Variants in NMNAT1 observed in about 807,000 individuals in gnomAD.
The protein encoded by NMNAT1 is nicotinamide/nicotinic acid mononucleotide adenylyltransferase 1.
NMNAT1 carries 11 observed loss-of-function variants against 16.7 expected under a neutral mutation model. The ratio of observed to expected loss-of-function variants is 0.66; its 90% CI spans 0.41 to 1.09. The LOEUF (loss-of-function observed/expected upper bound fraction) is 1.09. NMNAT1 is among the 50% of genes least tolerant of loss of function. The pLI, the probability that NMNAT1 is intolerant of heterozygous loss-of-function variation, is 0.00. For synonymous variants in NMNAT1, 110 were observed against 119.8 expected, an observed-to-expected ratio of 0.92 and a Z score of 0.53; for missense variants, 280 against 332.3, an observed-to-expected ratio of 0.84 and a Z score of 1.22.
chr1:9,992,585 A>G, the NMNAT1 span, among the ~76,000 whole-genome samples: 3 of 151,988 alleles, frequency 2.0e-5, no homozygotes, highest in African/African-American at 7.2e-5. Flanking sequence ...TTTAGGGACA[A>G]TTCCTCTCCA....
chr1:9,963,883 A>AATTTTATTTT (rs756959957), intron 1 of NMNAT1, among the ~76,000 whole-genome samples: 1 of 151,910 alleles, frequency 6.6e-6, no homozygotes, highest in African/African-American at 2.4e-5. Context: ...AATGTGTATG[A>AATTTTATTTT]ATTTTATTTT....
chr1:9,993,554 C>T, the NMNAT1 span, among the ~76,000 whole-genome samples: 2 of 152,018 alleles, frequency 1.3e-5, no homozygotes, highest in Admixed American at 6.6e-5. Context: ...ATCTGAATTA[C>T]ATTCCTTAAA....
intron 1 of NMNAT1, among the ~76,000 whole-genome samples, chr1:9,969,339 C>T (rs1316709679): frequency 6.6e-6 from 1 of 151,980 alleles, no homozygotes; most frequent in African/African-American, 2.4e-5. Flanking sequence ...GGATAGGGCT[C>T]TTGGAAATTA....
chr1:9,978,966 G>A (rs537943740), intron 3 of NMNAT1, among the ~76,000 whole-genome samples: 2 of 152,292 alleles, frequency 1.3e-5, no homozygotes, highest in South Asian at 2.1e-4. Context: ...GGTCAAGAGT[G>A]TGGGCTCTGG....
intron 2 of NMNAT1, 149 bp downstream of exon 2, chr1:9,972,337 T>C: frequency 1.7e-6 from 1 of 574,982 alleles, no homozygotes; most frequent in South Asian, 2.0e-5. Context: ...GGTAAAACCC[T>C]GTCTCTACTA....
At chr1:9,948,182 T>C (rs1641021874) in intron 1 of NMNAT1, among the ~76,000 whole-genome samples, 1 of 152,160 alleles carries the variant, frequency 6.6e-6, no homozygotes, top group Admixed American at 6.6e-5. Context: ...TGAACAGTCA[T>C]TTCCATGTGT....
At chr1:9,962,525 G>C (rs1014081900) in intron 1 of NMNAT1, among the ~76,000 whole-genome samples, 13 of 151,046 alleles carry the variant, frequency 8.6e-5, no homozygotes, top group Admixed American at 6.0e-4. Flanking sequence ...TTAACACTGT[G>C]CCAGGCAATA....
At chr1:9,951,560 G>A (rs567650831) in intron 1 of NMNAT1, among the ~76,000 whole-genome samples, 1 of 152,164 alleles carries the variant, frequency 6.6e-6, no homozygotes, top group South Asian at 2.1e-4. Flanking sequence ...CTGGAGCCTT[G>A]ACTTCCTGGG....
intron 1 of NMNAT1, among the ~76,000 whole-genome samples, chr1:9,952,037 G>A (rs188181081): frequency 4.6e-5 from 7 of 152,014 alleles, no homozygotes; most frequent in African/African-American, 1.7e-4. Flanking sequence ...TATGGCTCAC[G>A]CCTGTAATCC....
In NMNAT1 at chr1:9,972,282, G is replaced by A. The variant is rs1028284794; in HGVS notation, c.115+94G>A. ...TCCCAGCATTTTGGGAGGCTGAGACGGGCAGATCACAAGGTCAAGAGATCG... is the reference window on the plus strand; with the variant it reads ...TCCCAGCATTTTGGGAGGCTGAGACAGGCAGATCACAAGGTCAAGAGATCG... On this transcript the variant is annotated intron_variant, in intron 2 of 4. Transcript: ENST00000377205. The A allele has an allele frequency of 3.1e-5, 22 of 711,766 alleles. No individual in the cohort carries two copies. In the Admixed American group the frequency reaches 3.7e-4, roughly 12 times the overall value. 44.1% of individuals were successfully genotyped at this position (711,766 alleles called of 1,614,324 possible). A position where few individuals can be genotyped will look rare whatever the true frequency, so the allele number is the denominator to read the frequency against.
intron 1 of NMNAT1, among the ~76,000 whole-genome samples, chr1:9,945,745 C>T (rs888128599): frequency 3.3e-5 from 5 of 152,118 alleles, no homozygotes; most frequent in Admixed American, 2.0e-4. Flanking sequence ...CATTTGTTCA[C>T]AGTGTACTTT....
At chr1:9,976,451 G>C (rs1641816040) in intron 3 of NMNAT1, among the ~76,000 whole-genome samples, 1 of 152,120 alleles carries the variant, frequency 6.6e-6, no homozygotes, top group Admixed American at 6.6e-5. Context: ...GAGACAGGCA[G>C]ATAATTTAAG....
At chr1:9,996,289 C>CG in the NMNAT1 span, among the ~76,000 whole-genome samples, 2 of 134,644 alleles carry the variant, frequency 1.5e-5, no homozygotes, top group Admixed American at 8.7e-5. Context: ...CCAGCCTGGG[C>CG]ACAGAGCGAG....
At chr1:9,995,829 C>T in the NMNAT1 span, among the ~76,000 whole-genome samples, 1 of 151,786 alleles carries the variant, frequency 6.6e-6, no homozygotes. Flanking sequence ...GAGCTCAAGA[C>T]CAGCCTAGCC....
intron 2 of NMNAT1, 60 bp downstream of exon 2, chr1:9,972,248 C>A: frequency 1.2e-6 from 1 of 835,496 alleles, no homozygotes; most frequent in Non-Finnish European, 2.1e-6. Flanking sequence ...CAGTGGCTCA[C>A]ACCTGCAATC....
intron 1 of NMNAT1, among the ~76,000 whole-genome samples, chr1:9,964,472 T>C (rs1449804148): frequency 3.3e-5 from 5 of 150,788 alleles, no homozygotes; most frequent in Non-Finnish European, 7.4e-5. Context: ...CAGGAGATCG[T>C]GGCTGCAGTG....
intron 1 of NMNAT1, chr1:9,947,352 C>T (rs1204713485): frequency 6.6e-6 from 1 of 152,606 alleles, no homozygotes; most frequent in African/African-American, 2.4e-5. Context: ...ACATCTCTCA[C>T]CCCGTTGATC....
chr1:9,953,740 C>CCATACATCACTCTTAAAAGCA (rs1641176001), intron 1 of NMNAT1, among the ~76,000 whole-genome samples: 1 of 150,828 alleles, frequency 6.6e-6, no homozygotes, highest in Non-Finnish European at 1.5e-5. Flanking sequence ...CACACCCGGC[C>CCATACATCACTCTTAAAAGCA]CTATTTTTTC....
intron 1 of NMNAT1, among the ~76,000 whole-genome samples, chr1:9,953,041 C>T (rs1289726434): frequency 1.3e-5 from 2 of 150,196 alleles, no homozygotes; most frequent in African/African-American, 2.5e-5. Context: ...AGTGCAGTGA[C>T]GTGATCTTGA....
Sources: gnomAD v4.1 joint callset for allele counts (sites outside exome capture counted in the v4.1 genomes callset) on GRCh38, gnomAD v4.1.1 for gene constraint, MANE v1.5 for transcripts, NCBI Gene and HGNC (gene_info 2026-07-23, HGNC 2026-07-21) for gene names.